Variants in ZRANB1 observed in about 807,000 individuals in gnomAD.
The protein encoded by ZRANB1 is zinc finger RANBP2-type containing 1.
In ZRANB1, 16 loss-of-function variants were observed where a neutral mutation model predicts 80.5. The observed-to-expected ratio is 0.20, with a 90% CI of 0.13 to 0.30. The LOEUF is 0.30. Ranked by LOEUF, ZRANB1 falls within the 10% of genes least tolerant of loss-of-function variation. ZRANB1 has a pLI of 1.00. For synonymous variants in ZRANB1, 291 were observed against 293.1 expected (o/e 0.99, Z 0.07); for missense variants, 576 against 862.6 (o/e 0.67, Z 4.16).
upstream of ZRANB1, among the ~76,000 whole-genome samples, chr10:124,938,231 C>T (rs1280561286): frequency 2.6e-5 from 4 of 152,144 alleles, no homozygotes; most frequent in Admixed American, 2.6e-4. Flanking sequence ...CTTTGTAATA[C>T]TGCAAAAAAA....
chr10:124,917,225 C>A, the ZRANB1 span: 1 of 172,392 alleles, frequency 5.8e-6, no homozygotes, highest in South Asian at 1.6e-4. Flanking sequence ...AAGCGCCCGT[C>A]GGACGGGGAG....
chr10:124,974,142 G>A (rs1951853137), intron 4 of ZRANB1, 58 bp from the exon 5 acceptor site: 1 of 1,554,366 alleles, frequency 6.4e-7, no homozygotes, highest in African/African-American at 1.4e-5. Context: ...TTCTCCCCAT[G>A]AGTATTCTCT....
At chr10:124,917,495 C>A in the ZRANB1 span, among the ~76,000 whole-genome samples, 1 of 151,976 alleles carries the variant, frequency 6.6e-6, no homozygotes, top group African/African-American at 2.4e-5. Flanking sequence ...AGGGCGGGTC[C>A]GCCCAGCTTG....
At chr10:124,940,661 A>G (rs953611228), upstream of ZRANB1, 1 of 552,250 alleles carries the variant, frequency 1.8e-6, no homozygotes, top group Non-Finnish European at 2.8e-6. Context: ...AGGCAGGAAC[A>G]TAATACAGTA....
In ZRANB1 at chr10:124,974,409, A is replaced by C; in HGVS notation, c.1427+11A>C. 6.2e-7 allele frequency: 1 copy of C among 1,614,176 alleles called. No homozygotes were observed. The highest frequency in any genetic ancestry group is 8.5e-7 in the Non-Finnish European group (1 of 1,179,986). ...TGACTGTTCACATTGGTGAGCTGGC[A>C]TTCTGCCCTGTTTCAACCCAGGAGT... On this transcript the variant is annotated intron_variant, in intron 5 of 8. Coordinates refer to ENST00000359653, the MANE Select transcript of ZRANB1 (RefSeq NM_017580.3).
At chr10:124,964,952 A>G (rs1052803669) in intron 1 of ZRANB1, among the ~76,000 whole-genome samples, 2 of 152,262 alleles carry the variant, frequency 1.3e-5, no homozygotes, top group African/African-American at 4.8e-5. Flanking sequence ...TGTTCATTAA[A>G]TAATTTAAGC....
At chr10:124,977,026 G>A (rs1044663561) in intron 5 of ZRANB1, among the ~76,000 whole-genome samples, 4 of 152,070 alleles carry the variant, frequency 2.6e-5, no homozygotes, top group African/African-American at 4.8e-5. Context: ...GAAATGCAGG[G>A]GCACGATCTT....
rs576592542 is a variant in ZRANB1 at position 124,987,632 on chromosome 10, GTC to G, written c.*2647_*2648del. 1.4e-3 allele frequency: 207 copies of G among 152,224 alleles called. No homozygotes were observed. The highest frequency in any genetic ancestry group is 4.3e-3 in the African/African-American group (180 of 41,526). 9.4% of individuals were successfully genotyped at this position (152,224 alleles called of 1,614,324 possible). A position where few individuals can be genotyped will look rare whatever the true frequency, so the allele number is the denominator to read the frequency against. ...TAATAGGTCAGTAACTATGAGCGCC[GTC>G]TCTCTCCATGTGAGCTTGTGTTAAT... On this transcript the variant is annotated 3_prime_UTR_variant, in exon 9 of 9. Coordinates refer to ENST00000359653, the MANE Select transcript of ZRANB1 (RefSeq NM_017580.3).
Position 124,983,442 on chromosome 10 carries a change from C to T in ZRANB1, c.1679-17C>T, listed in dbSNP as rs1951959825. On this transcript the variant is annotated splice_polypyrimidine_tract_variant and intron_variant, in intron 7 of 8. Coordinates refer to ENST00000359653, the MANE Select transcript of ZRANB1 (RefSeq NM_017580.3). This position sits in a 1 kb window ranked among gnomAD's most constrained non-coding sequence, Gnocchi z 6.2. ...TTCTTCCTGTGACTGTTGGGATTTTCTTCCCTCTCTTTCCAGGTGTTTATC... is the reference window on the plus strand; with the variant it reads ...TTCTTCCTGTGACTGTTGGGATTTTTTTCCCTCTCTTTCCAGGTGTTTATC... 1 of 1,602,226 alleles carries T rather than the reference C, an allele frequency of 6.2e-7. No homozygotes were observed. The highest frequency in any genetic ancestry group is 8.5e-7 in the Non-Finnish European group (1 of 1,171,660).
At chr10:124,949,867 A>G (rs75836769) in intron 1 of ZRANB1, among the ~76,000 whole-genome samples, 3,613 of 152,258 alleles carry the variant, frequency 0.024, 143 homozygotes, top group African/African-American at 0.083. Flanking sequence ...ACTATAGGGA[A>G]TATGTGAATC....
intron 1 of ZRANB1, among the ~76,000 whole-genome samples, chr10:124,952,014 T>C (rs1951642753): frequency 6.6e-6 from 1 of 152,156 alleles, no homozygotes; most frequent in Non-Finnish European, 1.5e-5. Context: ...AAATAAGTTA[T>C]AATGTCCAAA....
Position 124,942,810 on chromosome 10 carries a change from A to C in ZRANB1, c.317A>C (p.Gln106Pro), listed in dbSNP as rs1449912004. Residue 106 changes from glutamine (Q) to proline (P), a missense_variant, in exon 1 of 9, where the codon CAG (glutamine) becomes CCG (proline). Transcript: ENST00000359653. ...LNWPRAIRCTQCLSQRRTRSP... is the reference protein window; with the variant it reads ...LNWPRAIRCTPCLSQRRTRSP... ...TGGCCAAGAGCAATCAGATGTACCC[A>C]GTGCTTATCCCAACGTAGGACCAGG... is the stretch of plus-strand genomic sequence containing the variant. 1 of 1,614,252 alleles carries C rather than the reference A, an allele frequency of 6.2e-7. No individual in the cohort carries two copies. The highest frequency in any genetic ancestry group is 1.3e-5 in the African/African-American group (1 of 75,070).
At chr10:124,917,584 T>G in the ZRANB1 span, among the ~76,000 whole-genome samples, 1 of 152,154 alleles carries the variant, frequency 6.6e-6, no homozygotes, top group Admixed American at 6.5e-5. Flanking sequence ...CCCCACAACT[T>G]CTTTTCCTGC....
At chr10:124,976,868 G>A (rs759933691) in intron 5 of ZRANB1, among the ~76,000 whole-genome samples, 2 of 151,416 alleles carry the variant, frequency 1.3e-5, no homozygotes, top group Non-Finnish European at 2.9e-5. Flanking sequence ...CACCGCGCCT[G>A]GCCTTTTCTT....
At chr10:124,949,496 T>TACACAC (rs71964464) in intron 1 of ZRANB1, among the ~76,000 whole-genome samples, 1 of 129,206 alleles carries the variant, frequency 7.7e-6, no homozygotes, top group African/African-American at 3.0e-5. Flanking sequence ...TATTCACGTA[T>TACACAC]ACACACACAC....
At chr10:124,973,353 TGCC>T (rs1375841238) in intron 3 of ZRANB1, among the ~76,000 whole-genome samples, 1 of 152,040 alleles carries the variant, frequency 6.6e-6, no homozygotes, top group African/African-American at 2.4e-5. Context: ...GACAGGGTTT[TGCC>T]GTGTTGCCCA....
intron 1 of ZRANB1, among the ~76,000 whole-genome samples, chr10:124,951,143 C>A (rs1162218408): frequency 6.6e-6 from 1 of 151,982 alleles, no homozygotes; most frequent in African/African-American, 2.4e-5. Context: ...TGGACATTTA[C>A]AATTTGTCAG....
At position 124,985,041 on chromosome 10, in the gene ZRANB1, C is replaced by A; in HGVS notation, c.*49C>A. 1 of 1,430,686 alleles carries A rather than the reference C, an allele frequency of 7.0e-7. No homozygotes were observed. The allele number at this position is 1,430,686 out of a possible 1,614,324, so 88.6% of individuals were successfully genotyped here. A position where few individuals can be genotyped will look rare whatever the true frequency, so the allele number is the denominator to read the frequency against. On this transcript the variant is annotated 3_prime_UTR_variant, in exon 9 of 9. Transcript: ENST00000359653. ...ACCAAGGCATCAGATCTGTAATGAC[C>A]CTAAAGTTAGTGTGGTGCTCCAAGC... is the stretch of plus-strand genomic sequence containing the variant.
the ZRANB1 span, among the ~76,000 whole-genome samples, chr10:124,932,800 T>C: frequency 6.6e-6 from 1 of 151,948 alleles, no homozygotes; most frequent in African/African-American, 2.4e-5. Context: ...TGACCTCAGG[T>C]GATCAGCCCA....
Sources: gnomAD v4.1 joint callset for allele counts (sites outside exome capture counted in the v4.1 genomes callset) on GRCh38, gnomAD v4.1.1 for gene constraint, Gnocchi (gnomAD v3.1) non-coding constraint, MANE v1.5 for transcripts, NCBI Gene and HGNC (gene_info 2026-07-23, HGNC 2026-07-21) for gene names.